GFRA1: variants seen among roughly 807,000 people sequenced by gnomAD.
The protein encoded by GFRA1 is GDNF family receptor alpha 1.
In GFRA1, 16 loss-of-function variants were observed where a neutral mutation model predicts 51.6. That is an observed-to-expected ratio of 0.31 (90% confidence interval 0.21 to 0.47). The LOEUF (loss-of-function observed/expected upper bound fraction) is 0.47. Ranked by LOEUF, GFRA1 falls within the 20% of genes least tolerant of loss-of-function variation. GFRA1 has a pLI of 1.00. For synonymous variants in GFRA1, 270 were observed against 241.3 expected, an observed-to-expected ratio of 1.12 and a Z score of -1.10; for missense variants, 530 against 594.3, an observed-to-expected ratio of 0.89 and a Z score of 1.13.
chr10:116,087,270 G>A (rs112249638), intron 9 of GFRA1, among the ~76,000 whole-genome samples: 1,437 of 2,918 alleles, frequency 0.49, 24 homozygotes, highest in African/African-American at 0.5. Flanking sequence ...GGATTTGGGC[G>A]GGGGGCGGAG....
intron 9 of GFRA1, among the ~76,000 whole-genome samples, chr10:116,065,987 C>G (rs114153787): frequency 2.6e-5 from 4 of 152,124 alleles, no homozygotes; most frequent in African/African-American, 9.7e-5. Flanking sequence ...GAAGGAGCAG[C>G]CCAGGACTAG....
intron 5 of GFRA1, among the ~76,000 whole-genome samples, chr10:116,164,046 G>C (rs1247934504): frequency 6.6e-6 from 1 of 152,140 alleles, no homozygotes; most frequent in South Asian, 2.1e-4. Context: ...GTGGCAGCAG[G>C]AGGTCAGGAG....
intron 5 of GFRA1, among the ~76,000 whole-genome samples, chr10:116,194,225 T>A (rs1203924569): frequency 6.6e-6 from 1 of 152,058 alleles, no homozygotes; most frequent in Non-Finnish European, 1.5e-5. Flanking sequence ...ACAAATTGAG[T>A]CTCTTAGGTA....
At chr10:116,261,812 C>T (rs1197510330) in intron 4 of GFRA1, among the ~76,000 whole-genome samples, 1 of 152,154 alleles carries the variant, frequency 6.6e-6, no homozygotes, top group Non-Finnish European at 1.5e-5. Context: ...ATTACTTTTG[C>T]ACCAGCCTAA....
chr10:116,122,916 G>A (rs979214198), intron 6 of GFRA1, among the ~76,000 whole-genome samples: 33 of 152,120 alleles, frequency 2.2e-4, no homozygotes, highest in African/African-American at 7.2e-4. Context: ...TCTTATTATA[G>A]AGACAGGGAG....
At chr10:116,223,566 A>G (rs1317388520) in intron 4 of GFRA1, among the ~76,000 whole-genome samples, 1 of 152,140 alleles carries the variant, frequency 6.6e-6, no homozygotes, top group Non-Finnish European at 1.5e-5. Context: ...GCTCCTCTAC[A>G]TTGAAGCCAA....
chr10:116,205,067 A>G (rs1291745104), intron 5 of GFRA1, among the ~76,000 whole-genome samples: 3 of 152,216 alleles, frequency 2.0e-5, no homozygotes, highest in Non-Finnish European at 4.4e-5. Flanking sequence ...ATCTAAGTAT[A>G]TATAAACATA....
At chr10:116,171,859 C>T (rs1344250117) in intron 5 of GFRA1, among the ~76,000 whole-genome samples, 1 of 152,160 alleles carries the variant, frequency 6.6e-6, no homozygotes, top group Non-Finnish European at 1.5e-5. Context: ...AAGAGGAGTC[C>T]TCATGAGAGG....
intron 5 of GFRA1, among the ~76,000 whole-genome samples, chr10:116,203,099 T>A (rs76828229): frequency 0.019 from 2,911 of 151,876 alleles, 87 homozygotes; most frequent in African/African-American, 0.066. Flanking sequence ...TGGCCCAGTA[T>A]CCCCTAGAAG....
intron 5 of GFRA1, among the ~76,000 whole-genome samples, chr10:116,198,773 G>A (rs773089950): frequency 6.6e-6 from 1 of 152,144 alleles, no homozygotes; most frequent in Non-Finnish European, 1.5e-5. Context: ...CAGGTTGGCT[G>A]GTCATCCATC....
chr10:116,080,233 C>A (rs942589188), intron 9 of GFRA1, among the ~76,000 whole-genome samples: 63 of 152,278 alleles, frequency 4.1e-4, no homozygotes, highest in African/African-American at 1.5e-3. Context: ...CCGCAAACAC[C>A]CCAGGAAGCT....
chr10:116,235,443 C>T (rs978371051), intron 4 of GFRA1, among the ~76,000 whole-genome samples: 1 of 152,130 alleles, frequency 6.6e-6, no homozygotes, highest in Non-Finnish European at 1.5e-5. Flanking sequence ...TAAAGTCCTG[C>T]ACCAAAACTG....
rs78882511 is a variant in GFRA1 at position 116,125,203 on chromosome 10, C to G, written c.770+18G>C. 2.7e-3 allele frequency: 4,349 copies of G among 1,599,844 alleles called. 113 individuals carry two copies. In the African/African-American group the frequency reaches 0.051, roughly 19 times the overall value. On this transcript the variant is annotated intron_variant, in intron 6 of 10. Transcript: ENST00000355422. ...TCCCTGTCACCTCATTAATCACCAG[C>G]TGCCAGTGCCCACTTACCTGCAGAT...
intron 5 of GFRA1, among the ~76,000 whole-genome samples, chr10:116,133,432 G>A (rs1188704539): frequency 1.3e-5 from 2 of 152,146 alleles, no homozygotes; most frequent in African/African-American, 4.8e-5. Flanking sequence ...GGACAAAAAG[G>A]GTCAGGTGCT....
intron 6 of GFRA1, among the ~76,000 whole-genome samples, chr10:116,101,251 G>A (rs1956806502): frequency 1.3e-5 from 2 of 152,332 alleles, no homozygotes; most frequent in Non-Finnish European, 2.9e-5. Flanking sequence ...AAGCTTGAAT[G>A]TCCAGTATGG....
chr10:116,129,489 A>G (rs1394188004), intron 5 of GFRA1, among the ~76,000 whole-genome samples: 2 of 152,182 alleles, frequency 1.3e-5, no homozygotes, highest in South Asian at 4.1e-4. Context: ...GATAGAAAAA[A>G]GTTCAGCAAA....
chr10:116,110,596 G>A (rs948307353), intron 6 of GFRA1, among the ~76,000 whole-genome samples: 3 of 152,298 alleles, frequency 2.0e-5, no homozygotes, highest in African/African-American at 2.4e-5. Flanking sequence ...AGGCTTCCAG[G>A]ATGGACTCAT....
intron 4 of GFRA1, among the ~76,000 whole-genome samples, chr10:116,224,051 C>T: frequency 6.6e-6 from 1 of 152,180 alleles, no homozygotes; most frequent in East Asian, 1.9e-4. Context: ...GCAATCGAAC[C>T]TGCTGGCTCC....
At chr10:116,159,320 T>C (rs1959500202) in intron 5 of GFRA1, among the ~76,000 whole-genome samples, 1 of 152,172 alleles carries the variant, frequency 6.6e-6, no homozygotes, top group South Asian at 2.1e-4. Context: ...AGTGTGTCCC[T>C]TGGATCTGAA....
Sources: allele counts gnomAD v4.1 joint callset (sites outside exome capture counted in the v4.1 genomes callset), GRCh38; gene constraint gnomAD v4.1.1; transcripts MANE v1.5; gene names NCBI Gene and HGNC (gene_info 2026-07-23, HGNC 2026-07-21).